The following ROR1 variants were observed in gnomAD, a reference collection of about 807,000 sequenced individuals.
ROR1 encodes inactive tyrosine-protein kinase transmembrane receptor ROR1.
In ROR1, 19 loss-of-function variants were observed where a neutral mutation model predicts 78.8. That is an observed-to-expected ratio of 0.24 (90% CI 0.17 to 0.35). The LOEUF (loss-of-function observed/expected upper bound fraction) is 0.35. Ranked by LOEUF, ROR1 falls within the 10% of genes least tolerant of loss-of-function variation. The pLI, the probability that ROR1 is intolerant of heterozygous loss-of-function variation, is 1.00. For missense variants in ROR1, 917 were observed against 1,177.8 expected, an observed-to-expected ratio of 0.78 and a Z score of 3.24; for synonymous variants, 386 against 433.6, an observed-to-expected ratio of 0.89 and a Z score of 1.36.
intron 2 of ROR1, among the ~76,000 whole-genome samples, chr1:64,020,111 G>C (rs1394041319): frequency 1.3e-5 from 2 of 152,172 alleles, no homozygotes; most frequent in African/African-American, 2.4e-5. Context: ...ACCAGAAAGA[G>C]TGTGGCTCTG....
chr1:64,133,785 C>A (rs930668260), intron 4 of ROR1, among the ~76,000 whole-genome samples: 1 of 152,182 alleles, frequency 6.6e-6, no homozygotes, highest in African/African-American at 2.4e-5. Flanking sequence ...TGCTACCTTG[C>A]CACTTGCTTC....
At chr1:63,797,719 G>T (rs1050470138) in intron 1 of ROR1, among the ~76,000 whole-genome samples, 2 of 152,138 alleles carry the variant, frequency 1.3e-5, no homozygotes, top group Non-Finnish European at 2.9e-5. Flanking sequence ...CTTTAAAAAG[G>T]ATTCAGCATA....
intron 1 of ROR1, among the ~76,000 whole-genome samples, chr1:63,851,774 A>C (rs1250025104): frequency 6.6e-6 from 1 of 152,244 alleles, no homozygotes; most frequent in Non-Finnish European, 1.5e-5. Context: ...AGGGGAGAAC[A>C]CCTGTATATG....
chr1:63,852,257 G>A (rs1411254564), intron 1 of ROR1, among the ~76,000 whole-genome samples: 1 of 152,232 alleles, frequency 6.6e-6, no homozygotes, highest in Non-Finnish European at 1.5e-5. Context: ...GCCACCATCT[G>A]TTTCACTCTG....
intron 4 of ROR1, among the ~76,000 whole-genome samples, chr1:64,073,040 G>A (rs536136380): frequency 6.8e-4 from 103 of 152,140 alleles, no homozygotes; most frequent in Non-Finnish European, 9.7e-4. Flanking sequence ...TGGTATTCAT[G>A]GTAGCCTCAC....
chr1:63,934,540 A>G lies in ROR1; in HGVS notation c.92-74765A>G, dbSNP rs1424063023. ...ACCCTCAACTTCATTTATTTCCTAAATGGATCCTGTGGGATGGTTTTGACA... is the reference window on the plus strand; with the variant it reads ...ACCCTCAACTTCATTTATTTCCTAAGTGGATCCTGTGGGATGGTTTTGACA... On this transcript the variant is annotated intron_variant, in intron 1 of 8. Coordinates refer to ENST00000371079, the MANE Select transcript of ROR1 (RefSeq NM_005012.4). Among the ~76,000 whole-genome samples the G allele has an allele frequency of 7.2e-5, 11 of 152,308 alleles. No individual in the cohort carries two copies. In the East Asian group the frequency reaches 2.1e-3, roughly 29 times the overall value.
chr1:63,801,293 A>G (rs1644795851), intron 1 of ROR1, among the ~76,000 whole-genome samples: 1 of 151,818 alleles, frequency 6.6e-6, no homozygotes, highest in South Asian at 2.1e-4. Flanking sequence ...TATGGGTATC[A>G]TGTTTTTGGT....
chr1:63,867,176 C>G (rs1645221379), intron 1 of ROR1, among the ~76,000 whole-genome samples: 1 of 152,196 alleles, frequency 6.6e-6, no homozygotes, highest in African/African-American at 2.4e-5. Flanking sequence ...AAGCCTTGTT[C>G]ATTAGAGTAT....
intron 2 of ROR1, among the ~76,000 whole-genome samples, chr1:64,020,556 A>G (rs1231233789): frequency 1.3e-5 from 2 of 152,152 alleles, no homozygotes; most frequent in African/African-American, 2.4e-5. Context: ...TGCAAAGGAG[A>G]TGAATGAAAA....
At chr1:64,150,495 A>G (rs1649590448) in intron 7 of ROR1, among the ~76,000 whole-genome samples, 1 of 152,216 alleles carries the variant, frequency 6.6e-6, no homozygotes, top group African/African-American at 2.4e-5. Context: ...GATGTTTTCC[A>G]GATTGTGAAC....
Position 63,959,692 on chromosome 1 carries a change from C to T in ROR1, c.92-49613C>T, listed in dbSNP as rs187846523. Among the ~76,000 whole-genome samples, 229 of 152,294 alleles carry T rather than the reference C, an allele frequency of 1.5e-3. 1 individual carries two copies. Among genetic ancestry groups the T allele is most frequent in the Non-Finnish European group, 2.3e-3 (159 of 68,032 alleles). ...TCTTTGCTGGGCACAGTTAGACAGC[C>T]GGCTTGCTACCCGAATCAACATGAG... On this transcript the variant is annotated intron_variant, in intron 1 of 8. Transcript: ENST00000371079.
chr1:63,963,657 T>G (rs1452120079), intron 1 of ROR1, among the ~76,000 whole-genome samples: 1 of 152,074 alleles, frequency 6.6e-6, no homozygotes, highest in Non-Finnish European at 1.5e-5. Context: ...TACTTTGCTT[T>G]CCAGTGTAAG....
chr1:63,972,329 A>G (rs1379109243), intron 1 of ROR1, among the ~76,000 whole-genome samples: 1 of 152,078 alleles, frequency 6.6e-6, no homozygotes, highest in Non-Finnish European at 1.5e-5. Flanking sequence ...TGATTTGCCT[A>G]AAACACAAAG....
intron 1 of ROR1, among the ~76,000 whole-genome samples, chr1:63,987,082 T>C (rs1171604627): frequency 6.6e-6 from 1 of 152,122 alleles, no homozygotes; most frequent in Non-Finnish European, 1.5e-5. Context: ...CAATAGCTTT[T>C]CTGTTGTTTC....
At chr1:63,833,978 T>TTTC (rs1377431247) in intron 1 of ROR1, among the ~76,000 whole-genome samples, 2 of 149,618 alleles carry the variant, frequency 1.3e-5, no homozygotes, top group Middle Eastern at 3.2e-3. Context: ...TTTTTTGACT[T>TTTC]TTCTTCTTCT....
intron 4 of ROR1, among the ~76,000 whole-genome samples, chr1:64,085,862 T>G (rs2100637912): frequency 1.3e-5 from 2 of 152,252 alleles, no homozygotes; most frequent in Middle Eastern, 6.8e-3. Flanking sequence ...GCCTGTGACT[T>G]TAAGTGTTGT....
At chr1:64,158,417 C>A (rs913429996) in intron 7 of ROR1, among the ~76,000 whole-genome samples, 1 of 152,336 alleles carries the variant, frequency 6.6e-6, no homozygotes, top group East Asian at 1.9e-4. Flanking sequence ...ATCAAACTGA[C>A]CCTGACTTCA....
intron 1 of ROR1, among the ~76,000 whole-genome samples, chr1:63,931,916 T>C (rs1056131610): frequency 9.8e-5 from 15 of 152,304 alleles, no homozygotes; most frequent in Non-Finnish European, 1.6e-4. Context: ...TATGTGTGTA[T>C]AGGGGAAAAT....
chr1:64,094,860 G>T (rs760215868), intron 4 of ROR1: 5 of 152,428 alleles, frequency 3.3e-5, no homozygotes, highest in Non-Finnish European at 5.9e-5. Flanking sequence ...AAAGTGCTGG[G>T]ATTACAGGCA....
Sources: gnomAD v4.1 joint callset for allele counts (sites outside exome capture counted in the v4.1 genomes callset) on GRCh38, gnomAD v4.1.1 for gene constraint, MANE v1.5 for transcripts, NCBI Gene and HGNC (gene_info 2026-07-23, HGNC 2026-07-21) for gene names.